PRMT3: variants seen among roughly 807,000 people sequenced by gnomAD.
PRMT3 encodes protein arginine methyltransferase 3.
In PRMT3, 62 loss-of-function variants were observed where a neutral mutation model predicts 71.9. The ratio of observed to expected loss-of-function variants is 0.86; its 90% confidence interval spans 0.70 to 1.07. The LOEUF is 1.07. Ranked by LOEUF, PRMT3 falls within the 50% of genes least tolerant of loss-of-function variation. The probability of loss-of-function intolerance (pLI) is 0.00; values close to 1 mark genes in which losing one functional copy is unlikely to be tolerated. For synonymous variants in PRMT3, 213 were observed against 220.4 expected (o/e 0.97, Z 0.30); for missense variants, 663 against 643.0 (o/e 1.03, Z -0.34).
intron 13 of PRMT3, among the ~76,000 whole-genome samples, chr11:20,469,213 G>A (rs1192778654): frequency 6.6e-6 from 1 of 152,206 alleles, no homozygotes. Context: ...AATAAAGTCA[G>A]TGATTTTTGT....
intron 8 of PRMT3, among the ~76,000 whole-genome samples, chr11:20,403,414 G>A (rs1369528533): frequency 6.6e-6 from 1 of 152,010 alleles, no homozygotes; most frequent in Non-Finnish European, 1.5e-5. Flanking sequence ...GTTCACTATG[G>A]TAGTATAGTA....
intron 5 of PRMT3, among the ~76,000 whole-genome samples, chr11:20,395,371 T>G (rs1256210032): frequency 6.6e-6 from 1 of 152,010 alleles, no homozygotes; most frequent in East Asian, 1.9e-4. Flanking sequence ...TAAGACCGAG[T>G]CTCACTGTAT....
Position 20,452,264 on chromosome 11 carries a change from A to C in PRMT3, c.1072+56A>C, listed in dbSNP as rs1372879367. 2.9e-6 allele frequency: 4 copies of C among 1,372,022 alleles called. No individual in the cohort carries two copies. In the African/African-American group the frequency reaches 4.3e-5, roughly 15 times the overall value. 85.0% of individuals were successfully genotyped at this position (1,372,022 alleles called of 1,614,324 possible). A position where few individuals can be genotyped will look rare whatever the true frequency, so the allele number is the denominator to read the frequency against. ...AATTTTAGTCTAGCAGAACCAGATG[A>C]ACCTTTGGATTTCAAATAAACTATG... On this transcript the variant is annotated intron_variant, in intron 11 of 15. Transcript: ENST00000331079.
chr11:20,432,048 T>C (rs1849665514), intron 10 of PRMT3, among the ~76,000 whole-genome samples: 2 of 152,054 alleles, frequency 1.3e-5, no homozygotes, highest in Non-Finnish European at 2.9e-5. Flanking sequence ...AGGTCCCTTG[T>C]GTATAATTAT....
chr11:20,496,906 G>T (rs1273406091), intron 15 of PRMT3, among the ~76,000 whole-genome samples: 1 of 152,152 alleles, frequency 6.6e-6, no homozygotes, highest in Non-Finnish European at 1.5e-5. Flanking sequence ...AAACCTTGAT[G>T]GTGTCATTTT....
chr11:20,403,376 A>C (rs1848991611), intron 8 of PRMT3, among the ~76,000 whole-genome samples: 2 of 152,214 alleles, frequency 1.3e-5, no homozygotes, highest in South Asian at 4.1e-4. Flanking sequence ...TAAGTAATTG[A>C]GAATTAATGA....
chr11:20,404,234 T>G (rs1206007934), intron 8 of PRMT3, among the ~76,000 whole-genome samples: 81 of 114,066 alleles, frequency 7.1e-4, no homozygotes, highest in South Asian at 1.3e-3. Flanking sequence ...TTTTTTTTTT[T>G]TTTTTTTTTT....
chr11:20,425,614 A>G (rs755671990), intron 9 of PRMT3, among the ~76,000 whole-genome samples: 5 of 152,202 alleles, frequency 3.3e-5, no homozygotes, highest in African/African-American at 7.2e-5. Context: ...ACATGAAACT[A>G]AAAAAGCATC....
intron 13 of PRMT3, among the ~76,000 whole-genome samples, chr11:20,479,370 A>G (rs1317034922): frequency 2.0e-5 from 3 of 152,214 alleles, no homozygotes; most frequent in African/African-American, 7.2e-5. Context: ...GGAGGCATTA[A>G]TAGTGGAAAC....
chr11:20,459,777 A>G (rs1296715734), intron 11 of PRMT3, among the ~76,000 whole-genome samples: 2 of 152,180 alleles, frequency 1.3e-5, no homozygotes, highest in African/African-American at 4.8e-5. Flanking sequence ...TTCTCATCCT[A>G]AGGATGTGGT....
intron 13 of PRMT3, among the ~76,000 whole-genome samples, chr11:20,465,528 A>G (rs929643751): frequency 8.5e-5 from 13 of 152,128 alleles, no homozygotes; most frequent in African/African-American, 2.6e-4. Flanking sequence ...ATTATACACA[A>G]GACTTCATGT....
At chr11:20,492,798 C>T (rs1851238407) in intron 13 of PRMT3, among the ~76,000 whole-genome samples, 1 of 152,126 alleles carries the variant, frequency 6.6e-6, no homozygotes, top group Non-Finnish European at 1.5e-5. Context: ...GTGGCTCACA[C>T]CTCTAATCCT....
chr11:20,504,156 G>A (rs1308620646), intron 15 of PRMT3, among the ~76,000 whole-genome samples: 1 of 151,970 alleles, frequency 6.6e-6, no homozygotes, highest in African/African-American at 2.4e-5. Context: ...TTTCAAATTG[G>A]GTGGTCATCT....
At chr11:20,501,890 C>T (rs1851466105) in intron 15 of PRMT3, among the ~76,000 whole-genome samples, 2 of 152,248 alleles carry the variant, frequency 1.3e-5, no homozygotes, top group African/African-American at 4.8e-5. Flanking sequence ...TTTATCCATA[C>T]AGTACATAGT....
At chr11:20,452,675 A>T (rs768856071) in intron 11 of PRMT3, among the ~76,000 whole-genome samples, 1 of 152,210 alleles carries the variant, frequency 6.6e-6, no homozygotes, top group Non-Finnish European at 1.5e-5. Context: ...AATGAGTTTT[A>T]AAAGTGCCAC....
chr11:20,430,321 G>A (rs1849629420), intron 10 of PRMT3, among the ~76,000 whole-genome samples: 1 of 152,232 alleles, frequency 6.6e-6, no homozygotes, highest in Non-Finnish European at 1.5e-5. Flanking sequence ...GTATAGCAGT[G>A]TAGAAATCAT....
At chr11:20,461,552 C>G (rs532373862) in intron 11 of PRMT3, among the ~76,000 whole-genome samples, 17 of 152,208 alleles carry the variant, frequency 1.1e-4, no homozygotes, top group Admixed American at 2.0e-4. Flanking sequence ...TTCTGTATAA[C>G]TATAAAACCC....
At chr11:20,493,131 C>CA (rs34491523) in intron 13 of PRMT3, among the ~76,000 whole-genome samples, 115,249 of 146,260 alleles carry the variant, frequency 0.79, 46,477 homozygotes, top group Non-Finnish European at 0.9. Flanking sequence ...GACTCCATGT[C>CA]AAAAAAAAAA....
At chr11:20,471,443 G>C (rs10766677) in intron 13 of PRMT3, among the ~76,000 whole-genome samples, 124,663 of 152,098 alleles carry the variant, frequency 0.82, 52,961 homozygotes, top group Non-Finnish European at 0.95. Flanking sequence ...TGGCTAGCCA[G>C]TTCTCCCAAC....
Sources: gnomAD v4.1 joint callset for allele counts (sites outside exome capture counted in the v4.1 genomes callset) on GRCh38, gnomAD v4.1.1 for gene constraint, MANE v1.5 for transcripts, NCBI Gene and HGNC (gene_info 2026-07-23, HGNC 2026-07-21) for gene names.